The following TMEM167B variants were observed in gnomAD, a reference collection of about 807,000 sequenced individuals.
The protein encoded by TMEM167B is transmembrane protein 167B, also known as protein kish-B.
In TMEM167B, 2 loss-of-function variants were observed where a neutral mutation model predicts 9.4. The observed-to-expected ratio is 0.21, with a 90% CI of 0.09 to 0.67. TMEM167B has a LOEUF of 0.67. Ranked by LOEUF, TMEM167B falls within the 30% of genes least tolerant of loss-of-function variation. TMEM167B has a pLI of 0.82. For synonymous variants in TMEM167B, 28 were observed against 32.0 expected (o/e 0.87, Z 0.42); for missense variants, 68 against 87.6 (o/e 0.78, Z 0.89).
At chr1:109,090,965 G>A (rs1664434539) in intron 1 of TMEM167B, 83 bp downstream of exon 1, 4 of 1,487,436 alleles carry the variant, frequency 2.7e-6, no homozygotes, top group Non-Finnish European at 3.6e-6. Context: ...TGACGTGGCC[G>A]TTCTCCCCGC....
In TMEM167B at chr1:109,090,794, T is replaced by G. The variant is rs965201436; in HGVS notation, c.-79T>G. Reference sequence around the variant, plus strand: ...AGTCACCTCGGCCCGGATCGGGAAGTGTCAAGCGGGCGCTCCCCCATCTCC... The same window carrying G: ...AGTCACCTCGGCCCGGATCGGGAAGGGTCAAGCGGGCGCTCCCCCATCTCC... On this transcript the variant is annotated 5_prime_UTR_variant, in exon 1 of 3. Transcript: ENST00000338272. The G allele has an allele frequency of 2.4e-5, 37 of 1,529,156 alleles. No individual in the cohort carries two copies. Among genetic ancestry groups the G allele is most frequent in the Non-Finnish European group, 3.2e-5 (36 of 1,126,290 alleles). 94.7% of individuals were successfully genotyped at this position (1,529,156 alleles called of 1,614,324 possible). A position where few individuals can be genotyped will look rare whatever the true frequency, so the allele number is the denominator to read the frequency against.
chr1:109,090,968 C>T (rs998928233), intron 1 of TMEM167B, 86 bp downstream of exon 1: 4 of 1,475,994 alleles, frequency 2.7e-6, no homozygotes, highest in Non-Finnish European at 2.7e-6. Flanking sequence ...CGTGGCCGTT[C>T]TCCCCGCCCC....
chr1:109,092,974 C>A lies in TMEM167B; in HGVS notation c.95C>A (p.Thr32Asn), dbSNP rs746484945. The A allele has an allele frequency of 6.2e-7, 1 of 1,614,112 alleles. No individual in the cohort carries two copies. Among genetic ancestry groups the A allele is most frequent in the East Asian group, 2.2e-5 (1 of 44,876 alleles). ...TTCAAGAAAGTACCTCGTCTCAAAA[C>A]CTGGCTGCTATCAGAGAAGAAGGGT... ...AYFKKVPRLK[T>N]WLLSEKKGVW... Residue 32 changes from threonine (T) to asparagine (N), a missense_variant, in exon 2 of 3, where the codon ACC becomes AAC. Physicochemically the swap from Thr to Asn is moderately conservative, Grantham distance 65. Transcript: ENST00000338272.
At position 109,095,250 on chromosome 1, in the gene TMEM167B, A is replaced by G. The variant is rs191530020; in HGVS notation, c.*751A>G. The stretch of plus-strand genomic sequence containing the variant: ...TCAAATGGAGACTTCACTTGATCAG[A>G]TGGTATATGAAAAATGAATCAACTA... On this transcript the variant is annotated 3_prime_UTR_variant, in exon 3 of 3. Transcript: ENST00000338272. 2 of 152,248 alleles carry G rather than the reference A, an allele frequency of 1.3e-5. No homozygotes were observed. Among genetic ancestry groups the G allele is most frequent in the Non-Finnish European group, 2.9e-5 (2 of 68,044 alleles). The allele number at this position is 152,248 out of a possible 1,614,324, so 9.4% of individuals were successfully genotyped here. A position where few individuals can be genotyped will look rare whatever the true frequency, so the allele number is the denominator to read the frequency against.
Position 109,091,552 on chromosome 1 carries a change from A to G in TMEM167B, c.10+670A>G, listed in dbSNP as rs1235986680. 9.2e-5 allele frequency: 14 copies of G among 152,218 alleles called. No homozygotes were observed. In the East Asian group the frequency reaches 2.7e-3, roughly 29 times the overall value. The allele number at this position is 152,218 out of a possible 1,614,324, so 9.4% of individuals were successfully genotyped here. ...GAGGAGGACAGGAAGGAGGGCCTTCATGATTTTTAGTGTCAACCTTACAGG... is the reference window on the plus strand; with the variant it reads ...GAGGAGGACAGGAAGGAGGGCCTTCGTGATTTTTAGTGTCAACCTTACAGG... On this transcript the variant is annotated intron_variant, in intron 1 of 2. Transcript: ENST00000338272.
chr1:109,094,281 A>G, intron 2 of TMEM167B, 136 bp from the exon 3 acceptor site: 1 of 878,114 alleles, frequency 1.1e-6, no homozygotes, highest in Admixed American at 2.7e-5. Context: ...CTGCCTCCAA[A>G]AATAAAATAA....
At chr1:109,091,885 A>G (rs142609021) in intron 1 of TMEM167B, 45 of 152,308 alleles carry the variant, frequency 3.0e-4, no homozygotes, top group Middle Eastern at 3.4e-3. Context: ...GTTATATATA[A>G]TATTCATTTG....
At chr1:109,094,373 C>T (rs373400801) in intron 2 of TMEM167B, 44 bp from the exon 3 acceptor site, 67 of 1,590,996 alleles carry the variant, frequency 4.2e-5, no homozygotes, top group Non-Finnish European at 5.3e-5. Context: ...GTGAGGACTT[C>T]GGTGAAGGGC....
rs1463884179 is a variant in TMEM167B, at chr1:109,090,776, T to C, written c.-97T>C. ...CGTACTACGGCTTCTTCCAGTCACCTCGGCCCGGATCGGGAAGTGTCAAGC... is the reference window on the plus strand; with the variant it reads ...CGTACTACGGCTTCTTCCAGTCACCCCGGCCCGGATCGGGAAGTGTCAAGC... On this transcript the variant is annotated 5_prime_UTR_variant, in exon 1 of 3. Coordinates refer to ENST00000338272, the MANE Select transcript of TMEM167B (RefSeq NM_020141.4). The C allele has an allele frequency of 1.4e-6, 2 of 1,478,696 alleles. No homozygotes were observed. The highest frequency in any genetic ancestry group is 1.4e-5 in the African/African-American group (1 of 71,534). 91.6% of individuals were successfully genotyped at this position (1,478,696 alleles called of 1,614,324 possible).
chr1:109,094,300 C>CA, intron 2 of TMEM167B, 117 bp from the exon 3 acceptor site: 1 of 1,008,456 alleles, frequency 9.9e-7, no homozygotes, highest in South Asian at 1.4e-5. Flanking sequence ...AAAAACATCC[C>CA]AGGCCCTTGA....
chr1:109,093,639 G>A (rs765862125), intron 2 of TMEM167B: 6 of 152,148 alleles, frequency 3.9e-5, no homozygotes, highest in African/African-American at 1.2e-4. Flanking sequence ...ATTTTTCTAC[G>A]GAAAATTTTT....
chr1:109,094,711 C>G lies in TMEM167B; in HGVS notation c.*212C>G. ...CTACAGAAAGCCAGCTTCCTTTGAT[C>G]TATGTGTAAATCAGTCCTTGGCAGA... On this transcript the variant is annotated 3_prime_UTR_variant, in exon 3 of 3. Transcript: ENST00000338272. 3.4e-6 allele frequency: 2 copies of G among 581,404 alleles called. No individual in the cohort carries two copies. The highest frequency in any genetic ancestry group is 6.1e-6 in the Non-Finnish European group (2 of 326,444). 36.0% of individuals were successfully genotyped at this position (581,404 alleles called of 1,614,324 possible).
intron 2 of TMEM167B, among the ~76,000 whole-genome samples, chr1:109,094,100 T>G (rs1448124581): frequency 6.6e-6 from 1 of 152,080 alleles, no homozygotes; most frequent in East Asian, 1.9e-4. Context: ...GCCAAGATGG[T>G]GAAACCCCAT....
chr1:109,093,340 A>C, intron 2 of TMEM167B: 1 of 255,206 alleles, frequency 3.9e-6, no homozygotes, highest in Non-Finnish European at 7.7e-6. Flanking sequence ...AAATATACAA[A>C]AATTAGCCAG....
chr1:109,092,782 T>C, intron 1 of TMEM167B, 108 bp from the exon 2 acceptor site: 2 of 1,287,890 alleles, frequency 1.6e-6, no homozygotes, highest in Non-Finnish European at 2.2e-6. Context: ...GTTGAGGTTA[T>C]TATTTTGTTA....
intron 1 of TMEM167B, among the ~76,000 whole-genome samples, chr1:109,092,326 C>T (rs1179533769): frequency 6.6e-6 from 1 of 152,066 alleles, no homozygotes; most frequent in African/African-American, 2.4e-5. Flanking sequence ...TAATTTTTTG[C>T]CTTAACATAT....
rs377567972 is a variant in TMEM167B, at chr1:109,090,894, T to C, written c.10+12T>C. On this transcript the variant is annotated intron_variant, in intron 1 of 2. Transcript: ENST00000338272. ...CGCCATGACGAACGGTGAGAACTGATGCCCTGAGCGGAGGGTGGGAGTGAA... is the reference window on the plus strand; with the variant it reads ...CGCCATGACGAACGGTGAGAACTGACGCCCTGAGCGGAGGGTGGGAGTGAA... The C allele has an allele frequency of 2.4e-5, 38 of 1,590,634 alleles. No individual in the cohort carries two copies. The highest frequency in any genetic ancestry group is 1.7e-4 in the Middle Eastern group (1 of 6,052).
rs756826697 is a variant in TMEM167B at position 109,094,401 on chromosome 1, C to G, written c.143-16C>G. 1 of 1,613,858 alleles carries G rather than the reference C, an allele frequency of 6.2e-7. No homozygotes were observed. The highest frequency in any genetic ancestry group is 1.1e-5 in the South Asian group (1 of 91,070). ...TGAAGGGCAGGGTGTGATTTCTTCT[C>G]TCTTTTGCCTGCTAGCCGCTGTGAT... On this transcript the variant is annotated splice_polypyrimidine_tract_variant and intron_variant, in intron 2 of 2. Coordinates refer to ENST00000338272, the MANE Select transcript of TMEM167B (RefSeq NM_020141.4).
chr1:109,092,869 CT>C lies in TMEM167B; in HGVS notation c.11-17del, dbSNP rs1664481244. Reference sequence around the variant, plus strand: ...ACGCTAGATCAGTACCTAAGGTTTTCTTTTCTTCTTTATTTAACAGTGTACT... The same window carrying C: ...ACGCTAGATCAGTACCTAAGGTTTTCTTTCTTCTTTATTTAACAGTGTACT... On this transcript the variant is annotated intron_variant, in intron 1 of 2. Coordinates refer to ENST00000338272, the MANE Select transcript of TMEM167B (RefSeq NM_020141.4). 6.2e-7 allele frequency: 1 copy of C among 1,613,076 alleles called. No homozygotes were observed. The highest frequency in any genetic ancestry group is 8.5e-7 in the Non-Finnish European group (1 of 1,179,742).
Sources: gnomAD v4.1 joint callset for allele counts (sites outside exome capture counted in the v4.1 genomes callset) on GRCh38, gnomAD v4.1.1 for gene constraint, MANE v1.5 for transcripts, NCBI Gene and HGNC (gene_info 2026-07-23, HGNC 2026-07-21) for gene names.